KIF1B: variants seen among roughly 807,000 people sequenced by gnomAD.
The protein encoded by KIF1B is kinesin family member 1B.
Under a neutral mutation model 241.9 loss-of-function variants are expected in KIF1B, and 76 were observed. The observed-to-expected ratio is 0.31, with a 90% CI of 0.26 to 0.38. The LOEUF (loss-of-function observed/expected upper bound fraction) is 0.38, where lower values mean the gene tolerates loss of function less well. KIF1B is among the 10% of genes least tolerant of loss of function. KIF1B has a pLI of 1.00. For synonymous variants in KIF1B, 750 were observed against 796.7 expected, an observed-to-expected ratio of 0.94 and a Z score of 0.99; for missense variants, 1,622 against 2,271.4, an observed-to-expected ratio of 0.71 and a Z score of 5.81.
intron 38 of KIF1B, 27 bp from the exon 39 acceptor site, chr1:10,360,902 G>A (rs368906634): frequency 2.4e-5 from 36 of 1,497,842 alleles, no homozygotes; most frequent in Non-Finnish European, 3.4e-5. Context: ...TCTTTTGGAT[G>A]ATTCCCTCTT....
At chr1:10,323,552 G>A (rs1651605108) in intron 24 of KIF1B, among the ~76,000 whole-genome samples, 1 of 152,118 alleles carries the variant, frequency 6.6e-6, no homozygotes, top group African/African-American at 2.4e-5. Flanking sequence ...AGCCTAGGAG[G>A]TGGAGGCTAC....
rs1003597370 is a variant in KIF1B at position 10,247,724 on chromosome 1, C to G, written c.107-8523C>G. Reference sequence around the variant, plus strand: ...GTTTATTACATGCTTATAGATGGACCTAGGGTAATGTTGGATACTTAGAGT... The same window carrying G: ...GTTTATTACATGCTTATAGATGGACGTAGGGTAATGTTGGATACTTAGAGT... On this transcript the variant is annotated intron_variant, in intron 2 of 48. Coordinates refer to ENST00000676179, the MANE Select transcript of KIF1B (RefSeq NM_001365951.3). Among the ~76,000 whole-genome samples, 4 of 152,062 alleles carry G rather than the reference C, an allele frequency of 2.6e-5. No homozygotes were observed. In the East Asian group the frequency reaches 7.7e-4, roughly 29 times the overall value.
chr1:10,380,518 C>T lies in KIF1B; in HGVS notation c.*3931C>T. 1 of 181,170 alleles carries T rather than the reference C, an allele frequency of 5.5e-6. No homozygotes were observed. 11.2% of individuals were successfully genotyped at this position (181,170 alleles called of 1,614,324 possible). A position where few individuals can be genotyped will look rare whatever the true frequency, so the allele number is the denominator to read the frequency against. On this transcript the variant is annotated 3_prime_UTR_variant, in exon 49 of 49. Transcript: ENST00000676179. ...GTCAGAAGTTTGAGACCAGCCTGGCCAACATGGTGAAACCCCGTCTCTACT... is the reference window on the plus strand; with the variant it reads ...GTCAGAAGTTTGAGACCAGCCTGGCTAACATGGTGAAACCCCGTCTCTACT...
At chr1:10,297,116 T>C in intron 21 of KIF1B, 39 bp downstream of exon 21, 1 of 1,613,556 alleles carries the variant, frequency 6.2e-7, no homozygotes, top group African/African-American at 1.3e-5. Context: ...CTGTTTCTTC[T>C]TTTAAACATG....
intron 10 of KIF1B, among the ~76,000 whole-genome samples, chr1:10,273,280 A>G (rs1452666013): frequency 6.6e-6 from 1 of 152,216 alleles, no homozygotes; most frequent in Non-Finnish European, 1.5e-5. Context: ...AAGGCCGAGC[A>G]TGGTGGCTCA....
chr1:10,366,919 C>T (rs556345358), intron 43 of KIF1B, among the ~76,000 whole-genome samples: 10 of 151,590 alleles, frequency 6.6e-5, no homozygotes, highest in Non-Finnish European at 1.3e-4. Context: ...TGCAGTGAGC[C>T]GAGATCGCGC....
chr1:10,264,323 C>T (rs1340905105), intron 5 of KIF1B, among the ~76,000 whole-genome samples: 1 of 152,180 alleles, frequency 6.6e-6, no homozygotes, highest in Non-Finnish European at 1.5e-5. Context: ...GAACGGTCCT[C>T]AGTGAGTTGG....
chr1:10,338,162 G>A (rs1000893278), intron 31 of KIF1B, among the ~76,000 whole-genome samples: 4 of 151,902 alleles, frequency 2.6e-5, no homozygotes, highest in Admixed American at 6.6e-5. Context: ...TCAGTACTTG[G>A]AAAGGGCCAC....
Position 10,347,785 on chromosome 1 carries a change from C to A in KIF1B, c.3822C>A (p.His1274Gln). The change falls in exon 36 of 49, where the codon CAC (histidine) becomes CAA (glutamine). Residue 1274 changes from histidine (H) to glutamine (Q), a missense_variant. Physicochemically the swap from His to Gln is conservative, Grantham distance 24 (BLOSUM62 0). Around this residue, in one of 7 missense-constraint regions of KIF1B, gnomAD observed 803 missense variants for 1,112.0 expected, o/e 0.72. Coordinates refer to ENST00000676179, the MANE Select transcript of KIF1B (RefSeq NM_001365951.3). Reference sequence around the variant, plus strand: ...GGTATATCCCAGCTGTGGTTGACCACACAGCAGGCTTGCCTTGCCAGGGGA... The same window carrying A: ...GGTATATCCCAGCTGTGGTTGACCAAACAGCAGGCTTGCCTTGCCAGGGGA... ...TGEYIPAVVD[H>Q]TAGLPCQGTF... The A allele has an allele frequency of 6.2e-7, 1 of 1,613,318 alleles. No homozygotes were observed. The highest frequency in any genetic ancestry group is 8.5e-7 in the Non-Finnish European group (1 of 1,179,360).
At chr1:10,227,803 C>T (rs1323834941) in intron 1 of KIF1B, 2 of 150,908 alleles carry the variant, frequency 1.3e-5, no homozygotes, top group Non-Finnish European at 1.5e-5. Flanking sequence ...AGCGAAACTT[C>T]ATCTCAAAAA....
intron 5 of KIF1B, among the ~76,000 whole-genome samples, chr1:10,265,106 C>CA (rs2102200707): frequency 6.6e-6 from 1 of 152,034 alleles, no homozygotes; most frequent in East Asian, 1.9e-4. Context: ...TAATTTGCAC[C>CA]ACAGGCATGT....
chr1:10,355,300 T>C (rs1294954733), intron 38 of KIF1B: 1 of 152,608 alleles, frequency 6.6e-6, no homozygotes, highest in Non-Finnish European at 1.5e-5. Context: ...TATATATTTT[T>C]TCTGATTCTC....
At chr1:10,344,394 C>T (rs1423528093) in intron 34 of KIF1B, among the ~76,000 whole-genome samples, 1 of 152,214 alleles carries the variant, frequency 6.6e-6, no homozygotes, top group Non-Finnish European at 1.5e-5. Flanking sequence ...CCCTTTGCAA[C>T]TTGAGCTGAA....
intron 44 of KIF1B, among the ~76,000 whole-genome samples, chr1:10,369,009 C>T (rs1212416925): frequency 6.6e-6 from 1 of 152,166 alleles, no homozygotes; most frequent in Non-Finnish European, 1.5e-5. Context: ...TCTTTGCACA[C>T]CTACTATTTC....
chr1:10,331,626 A>C (rs1033415272), intron 27 of KIF1B, among the ~76,000 whole-genome samples: 4 of 152,216 alleles, frequency 2.6e-5, no homozygotes, highest in Non-Finnish European at 5.9e-5. Flanking sequence ...TACCCAGTCT[A>C]TCCTCCTCCT....
At chr1:10,283,637 G>A (rs1649545433) in intron 15 of KIF1B, among the ~76,000 whole-genome samples, 1 of 152,254 alleles carries the variant, frequency 6.6e-6, no homozygotes. Context: ...GACTGTGACA[G>A]CATCATCTGC....
chr1:10,345,514 T>A (rs1652556357), intron 34 of KIF1B: 1 of 341,390 alleles, frequency 2.9e-6, no homozygotes, highest in Non-Finnish European at 5.6e-6. Context: ...GTTAGTCCCA[T>A]GCTTTACGTG....
chr1:10,304,156 C>A, intron 22 of KIF1B: 1 of 1,614,012 alleles, frequency 6.2e-7, no homozygotes, highest in Non-Finnish European at 8.5e-7. Context: ...GCTTAGGATT[C>A]CAAAAGACGA....
At chr1:10,272,405 C>G in intron 9 of KIF1B, 99 bp downstream of exon 9, 1 of 826,236 alleles carries the variant, frequency 1.2e-6, no homozygotes, top group Admixed American at 1.8e-5. Context: ...TTTTGTGGCC[C>G]TTTTCTGTAA....
Sources: gnomAD v4.1 joint callset for allele counts (sites outside exome capture counted in the v4.1 genomes callset) on GRCh38, gnomAD v4.1.1 for gene constraint, gnomAD v4.1.1 regional missense constraint, MANE v1.5 for transcripts, NCBI Gene and HGNC (gene_info 2026-07-23, HGNC 2026-07-21) for gene names.